The following RTN3 variants were observed in gnomAD, a reference collection of about 807,000 sequenced individuals.
The protein encoded by RTN3 is reticulon-3.
In RTN3, 49 loss-of-function variants were observed where a neutral mutation model predicts 77.8. The observed-to-expected ratio is 0.63, with a 90% confidence interval of 0.50 to 0.80. The LOEUF (loss-of-function observed/expected upper bound fraction) is 0.80. Ranked by LOEUF, RTN3 falls within the 30% of genes least tolerant of loss-of-function variation. The pLI, the probability that RTN3 is intolerant of heterozygous loss-of-function variation, is 0.00. For synonymous variants in RTN3, 464 were observed against 446.9 expected, an observed-to-expected ratio of 1.04 and a Z score of -0.48; for missense variants, 1,236 against 1,211.9, an observed-to-expected ratio of 1.02 and a Z score of -0.29.
chr11:63,745,389 C>G (rs1461715098), intron 3 of RTN3, among the ~76,000 whole-genome samples: 2 of 152,112 alleles, frequency 1.3e-5, no homozygotes, highest in African/African-American at 4.8e-5. Flanking sequence ...GGTAGGTGCT[C>G]TGAAGAAAAA....
At chr11:63,705,224 A>G (rs1942439469) in intron 2 of RTN3, among the ~76,000 whole-genome samples, 1 of 152,230 alleles carries the variant, frequency 6.6e-6, no homozygotes, top group Admixed American at 6.5e-5. Flanking sequence ...GCAGTTGCTC[A>G]CACCTGTAAT....
At chr11:63,707,277 A>G (rs1942543185) in intron 2 of RTN3, among the ~76,000 whole-genome samples, 1 of 152,162 alleles carries the variant, frequency 6.6e-6, no homozygotes, top group Non-Finnish European at 1.5e-5. Context: ...TTACATACCT[A>G]ATGTATAACG....
chr11:63,748,661 CTTTTTTTTTT>C (rs561644667), intron 3 of RTN3, among the ~76,000 whole-genome samples: 4 of 105,926 alleles, frequency 3.8e-5, no homozygotes, highest in African/African-American at 7.7e-5. Context: ...GCCCCACTCA[CTTTTTTTTTT>C]TTTTTTTTTT....
At chr11:63,686,443 C>T (rs1348553346) in intron 1 of RTN3, among the ~76,000 whole-genome samples, 8 of 144,584 alleles carry the variant, frequency 5.5e-5, no homozygotes, top group Non-Finnish European at 1.0e-4. Flanking sequence ...TGCACTCCGG[C>T]CTGGGGGACA....
intron 1 of RTN3, among the ~76,000 whole-genome samples, chr11:63,694,143 A>C (rs946114633): frequency 1.3e-5 from 2 of 152,054 alleles, no homozygotes; most frequent in Non-Finnish European, 2.9e-5. Context: ...CTGGGGTATT[A>C]AGATATATTT....
chr11:63,690,615 CT>C (rs1466640807), intron 1 of RTN3, among the ~76,000 whole-genome samples: 1 of 152,158 alleles, frequency 6.6e-6, no homozygotes, highest in African/African-American at 2.4e-5. Context: ...CTCAGTTACC[CT>C]TTTGAATTCA....
chr11:63,691,245 C>A (rs1272419399), intron 1 of RTN3, among the ~76,000 whole-genome samples: 1 of 151,666 alleles, frequency 6.6e-6, no homozygotes, highest in Admixed American at 6.6e-5. Flanking sequence ...TTCAGCCTCC[C>A]AAGTAGCTGG....
rs2014564665 is a variant in RTN3, at chr11:63,759,599, G to C, written c.*1398G>C. 6.6e-6 allele frequency: 1 copy of C among 152,618 alleles called. No individual in the cohort carries two copies. Among genetic ancestry groups the C allele is most frequent in the Non-Finnish European group, 1.5e-5 (1 of 68,034 alleles). The allele number at this position is 152,618 out of a possible 1,614,324, so 9.5% of individuals were successfully genotyped here. A position where few individuals can be genotyped will look rare whatever the true frequency, so the allele number is the denominator to read the frequency against. The stretch of plus-strand genomic sequence containing the variant: ...CATCCTCTGCCCTCCCAGGAAGTCA[G>C]TGATTGTCTTTTTGGGCTTCCCCTC... On this transcript the variant is annotated 3_prime_UTR_variant, in exon 9 of 9. Transcript: ENST00000377819.
intron 3 of RTN3, among the ~76,000 whole-genome samples, chr11:63,742,679 G>A (rs79254265): frequency 7.8e-4 from 119 of 152,118 alleles, no homozygotes; most frequent in African/African-American, 2.3e-3. Flanking sequence ...GATTAAAGTC[G>A]TGAAGAATTA....
At chr11:63,752,991 C>T (rs1263416056) in intron 5 of RTN3, 78 bp from the exon 6 acceptor site, 6 of 1,319,630 alleles carry the variant, frequency 4.5e-6, no homozygotes, top group East Asian at 2.3e-5. Context: ...ACTTAATTAG[C>T]TGGAGGAGAA....
intron 3 of RTN3, among the ~76,000 whole-genome samples, chr11:63,734,774 CACA>C (rs773123746): frequency 2.0e-5 from 3 of 148,764 alleles, no homozygotes; most frequent in Admixed American, 6.7e-5. Context: ...CACACACACA[CACA>C]CACACCATAC....
At chr11:63,707,494 G>A (rs1401893835) in intron 2 of RTN3, among the ~76,000 whole-genome samples, 1 of 152,060 alleles carries the variant, frequency 6.6e-6, no homozygotes, top group Non-Finnish European at 1.5e-5. Context: ...AAAATTTTTT[G>A]ACCAATGTAG....
intron 1 of RTN3, among the ~76,000 whole-genome samples, chr11:63,693,249 C>T (rs558199891): frequency 4.5e-4 from 68 of 152,240 alleles, no homozygotes; most frequent in African/African-American, 1.6e-3. Flanking sequence ...TTTGGGAGGC[C>T]GAGGCGAGCG....
rs1420601279 is a variant in RTN3, at chr11:63,759,746, A to G, written c.*1545A>G. The G allele has an allele frequency of 6.6e-6, 1 of 150,696 alleles. No homozygotes were observed. Among genetic ancestry groups the G allele is most frequent in the East Asian group, 1.9e-4 (1 of 5,162 alleles). The allele number at this position is 150,696 out of a possible 1,614,324, so 9.3% of individuals were successfully genotyped here. On this transcript the variant is annotated 3_prime_UTR_variant, in exon 9 of 9. Coordinates refer to ENST00000377819, the MANE Select transcript of RTN3 (RefSeq NM_001265589.2). Reference sequence around the variant, plus strand: ...TTTTTTTTTTTTTTAAGAAAAACCTATAGATGAAAAATTACTAATGAAACT... The same window carrying G: ...TTTTTTTTTTTTTTAAGAAAAACCTGTAGATGAAAAATTACTAATGAAACT...
At chr11:63,683,972 T>TTTTTTTTTTTTTTTA (rs1375625604) in intron 1 of RTN3, among the ~76,000 whole-genome samples, 12 of 136,110 alleles carry the variant, frequency 8.8e-5, no homozygotes, top group Non-Finnish European at 1.4e-4. Flanking sequence ...TTTTTTTTTT[T>TTTTTTTTTTTTTTTA]AGACAAGGTC....
chr11:63,691,947 C>T (rs904256112), intron 1 of RTN3, among the ~76,000 whole-genome samples: 8 of 152,124 alleles, frequency 5.3e-5, no homozygotes, highest in Non-Finnish European at 7.3e-5. Flanking sequence ...TGTTACACTC[C>T]GTAAATGCTG....
At chr11:63,701,704 T>G (rs1942245890) in intron 1 of RTN3, among the ~76,000 whole-genome samples, 1 of 152,046 alleles carries the variant, frequency 6.6e-6, no homozygotes, top group African/African-American at 2.4e-5. Flanking sequence ...CGCAGCACTT[T>G]GGGAGGCTGA....
chr11:63,745,573 C>T (rs1163235257), intron 3 of RTN3, among the ~76,000 whole-genome samples: 1 of 152,180 alleles, frequency 6.6e-6, no homozygotes, highest in East Asian at 1.9e-4. Context: ...CTTTTCCAAG[C>T]TCTTCCTCTG....
At chr11:63,749,858 T>C (rs1342222859) in intron 3 of RTN3, 133 bp from the exon 4 acceptor site, 5 of 706,712 alleles carry the variant, frequency 7.1e-6, no homozygotes, top group South Asian at 1.9e-5. Flanking sequence ...CCCATCTCTT[T>C]AAAAAAACAA....
Sources: allele counts gnomAD v4.1 joint callset (sites outside exome capture counted in the v4.1 genomes callset), GRCh38; gene constraint gnomAD v4.1.1; transcripts MANE v1.5; gene names NCBI Gene and HGNC (gene_info 2026-07-23, HGNC 2026-07-21).